The following CD5 variants were observed in gnomAD, a reference collection of about 807,000 sequenced individuals.
The protein encoded by CD5 is CD5 molecule, also known as T-cell surface glycoprotein CD5.
CD5 carries 36 observed loss-of-function variants against 60.3 expected under a neutral mutation model. The observed-to-expected ratio is 0.60, with a 90% CI of 0.46 to 0.79. The LOEUF is 0.79. CD5 is among the 30% of genes least tolerant of loss of function. CD5 has a pLI of 0.00. For synonymous variants in CD5, 230 were observed against 257.6 expected (o/e 0.89, Z 1.03); for missense variants, 540 against 630.6 (o/e 0.86, Z 1.54).
At chr11:61,126,057 A>G (rs1861144898) in intron 10 of CD5, among the ~76,000 whole-genome samples, 1 of 152,220 alleles carries the variant, frequency 6.6e-6, no homozygotes, top group Non-Finnish European at 1.5e-5. Flanking sequence ...ATGAACTTTA[A>G]CAATCAACTC....
rs898461072 is a variant in CD5, at chr11:61,127,016, G to GC, written c.*734dup. On this transcript the variant is annotated 3_prime_UTR_variant, in exon 11 of 11. Coordinates refer to ENST00000347785, the MANE Select transcript of CD5 (RefSeq NM_014207.4). ...CCACAGGGCACCAGTGCCACCCAGG[G>GC]CCCGGCACAAAGGGGCGCCTAGTAA... 1.3e-5 allele frequency: 2 copies of GC among 152,252 alleles called. No individual in the cohort carries two copies. Among genetic ancestry groups the GC allele is most frequent in the African/African-American group, 4.8e-5 (2 of 41,450 alleles). 9.4% of individuals were successfully genotyped at this position (152,252 alleles called of 1,614,324 possible).
At chr11:61,120,403 G>A (rs964626550) in intron 5 of CD5, among the ~76,000 whole-genome samples, 2 of 152,144 alleles carry the variant, frequency 1.3e-5, no homozygotes, top group Admixed American at 6.5e-5. Flanking sequence ...ATGGCCTTAG[G>A]AGGTGGGTGT....
At chr11:61,116,386 A>C (rs1194071026) in intron 2 of CD5, among the ~76,000 whole-genome samples, 8 of 149,106 alleles carry the variant, frequency 5.4e-5, no homozygotes, top group East Asian at 3.9e-4. Context: ...ACACACACAC[A>C]CCCCACACAG....
chr11:61,110,142 A>G (rs1452079358), intron 1 of CD5, among the ~76,000 whole-genome samples: 1 of 152,180 alleles, frequency 6.6e-6, no homozygotes, highest in South Asian at 2.1e-4. Flanking sequence ...CAACTAAAAA[A>G]TAGAAATAGG....
chr11:61,122,083 T>G (rs1221115674), intron 6 of CD5, among the ~76,000 whole-genome samples, 179 bp downstream of exon 6: 1 of 151,970 alleles, frequency 6.6e-6, no homozygotes, highest in Non-Finnish European at 1.5e-5. Flanking sequence ...CAGACAGCAA[T>G]GGGCATGAAC....
Position 61,125,022 on chromosome 11 carries a change from A to G in CD5, c.1280-10A>G. On this transcript the variant is annotated splice_polypyrimidine_tract_variant and intron_variant, in intron 8 of 10. Coordinates refer to ENST00000347785, the MANE Select transcript of CD5 (RefSeq NM_014207.4). The stretch of plus-strand genomic sequence containing the variant: ...CACAAGTCTGACACTGTCTCCTACC[A>G]TCTGCCCAGTGTCTTTCCATCGCAA... 6.2e-7 allele frequency: 1 copy of G among 1,614,006 alleles called. No individual in the cohort carries two copies. Among genetic ancestry groups the G allele is most frequent in the Non-Finnish European group, 8.5e-7 (1 of 1,179,926 alleles).
intron 7 of CD5, 83 bp from the exon 8 acceptor site, chr11:61,123,801 G>C (rs1861104146): frequency 1.3e-6 from 1 of 755,848 alleles, no homozygotes. Flanking sequence ...TCCCTCCCAG[G>C]CCCAGCCCCA....
intron 1 of CD5, among the ~76,000 whole-genome samples, chr11:61,107,122 C>T (rs910826878): frequency 2.6e-5 from 4 of 152,096 alleles, no homozygotes; most frequent in Admixed American, 6.5e-5. Context: ...GGGCTGGGAC[C>T]GGAAGCCTTG....
At chr11:61,102,007 C>T (rs949458026), upstream of CD5, among the ~76,000 whole-genome samples, 2 of 152,042 alleles carry the variant, frequency 1.3e-5, no homozygotes, top group African/African-American at 4.8e-5. Context: ...GCTAGCAAAA[C>T]ACCACCTGTG....
intron 6 of CD5, among the ~76,000 whole-genome samples, chr11:61,122,308 G>GTGGA (rs1289366302): frequency 1.1e-5 from 1 of 89,972 alleles, no homozygotes; most frequent in Non-Finnish European, 2.2e-5. Context: ...GGGTGGGTGG[G>GTGGA]TGGGTGGATG....
intron 1 of CD5, among the ~76,000 whole-genome samples, chr11:61,106,185 A>G (rs1303152829): frequency 6.6e-6 from 1 of 151,764 alleles, no homozygotes; most frequent in Admixed American, 6.6e-5. Flanking sequence ...ACTGAGTGCA[A>G]TGAGGAGAAC....
chr11:61,122,008 G>A, intron 6 of CD5, 104 bp downstream of exon 6: 1 of 971,940 alleles, frequency 1.0e-6, no homozygotes. Context: ...GAGCTAGACA[G>A]AGAGTCCCAG....
At chr11:61,115,209 ACC>A in intron 2 of CD5, 115 bp downstream of exon 2, 1 of 914,532 alleles carries the variant, frequency 1.1e-6, no homozygotes, top group Admixed American at 2.2e-5. Context: ...AGTGAACCCC[ACC>A]CTATAGAGAG....
intron 1 of CD5, among the ~76,000 whole-genome samples, chr11:61,105,585 G>A (rs1271580403): frequency 6.6e-6 from 1 of 152,192 alleles, no homozygotes; most frequent in South Asian, 2.1e-4. Flanking sequence ...AACAATGCGA[G>A]GTAGGAGCCA....
chr11:61,121,250 AGAAGTG>A (rs1861054929), intron 5 of CD5, among the ~76,000 whole-genome samples: 3 of 152,156 alleles, frequency 2.0e-5, no homozygotes, highest in African/African-American at 7.3e-5. Context: ...TTTCCAAGTG[AGAAGTG>A]GACCTAGGTG....
chr11:61,104,335 A>G (rs944366555), intron 1 of CD5, among the ~76,000 whole-genome samples: 5 of 152,180 alleles, frequency 3.3e-5, no homozygotes, highest in African/African-American at 1.2e-4. Flanking sequence ...TCTGTCCCAA[A>G]GTAAGAGGCC....
intron 1 of CD5, among the ~76,000 whole-genome samples, chr11:61,112,318 G>A (rs1009945770): frequency 1.3e-5 from 2 of 152,034 alleles, no homozygotes; most frequent in African/African-American, 2.4e-5. Context: ...TCTCCCTGAT[G>A]GCCTCCTGAG....
At position 61,119,511 on chromosome 11, in the gene CD5, G is replaced by C. The variant is rs1474522849; in HGVS notation, c.741G>C (p.Leu247=). Residue 247 remains leucine (L), a synonymous_variant, in exon 5 of 11, where the codon CTG becomes CTC. Transcript: ENST00000347785. ...TCCAGAACTCAAGCTGTACCTCCCT[G>C]GAGCATTGCTTCAGGAAAATCAAGC... The part of the protein sequence containing the change: ...WKIQNSSCTS[L]EHCFRKIKPQ... 1 of 1,613,922 alleles carries C rather than the reference G, an allele frequency of 6.2e-7. No homozygotes were observed.
chr11:61,118,897 CAG>C lies in CD5; in HGVS notation c.401-15_401-14del, dbSNP rs1364920723. 1.2e-6 allele frequency: 2 copies of C among 1,609,904 alleles called. No individual in the cohort carries two copies. The highest frequency in any genetic ancestry group is 2.2e-5 in the East Asian group (1 of 44,856). ...CCCACACCACCCATTCCTCCCTCACCAGAGTGTCTCATTGCAGAACCCCAGAA... is the reference window on the plus strand; with the variant it reads ...CCCACACCACCCATTCCTCCCTCACCAGTGTCTCATTGCAGAACCCCAGAA... On this transcript the variant is annotated splice_polypyrimidine_tract_variant and intron_variant, in intron 3 of 10. Transcript: ENST00000347785. This position sits in a 1 kb window ranked among gnomAD's most constrained non-coding sequence, Gnocchi z 4.7.
Sources: gnomAD v4.1 joint callset for allele counts (sites outside exome capture counted in the v4.1 genomes callset) on GRCh38, gnomAD v4.1.1 for gene constraint, Gnocchi (gnomAD v3.1) non-coding constraint, MANE v1.5 for transcripts, NCBI Gene and HGNC (gene_info 2026-07-23, HGNC 2026-07-21) for gene names.